PDGFD: variants seen among roughly 807,000 people sequenced by gnomAD.
The protein encoded by PDGFD is platelet-derived growth factor D.
In PDGFD, 30 loss-of-function variants were observed where a neutral mutation model predicts 44.7. That is an observed-to-expected ratio of 0.67 (90% confidence interval 0.50 to 0.91). The LOEUF is 0.91. PDGFD is among the 40% of genes least tolerant of loss of function. The pLI, the probability that PDGFD is intolerant of heterozygous loss-of-function variation, is 0.00. For synonymous variants in PDGFD, 173 were observed against 168.4 expected, an observed-to-expected ratio of 1.03 and a Z score of -0.21; for missense variants, 445 against 457.8, an observed-to-expected ratio of 0.97 and a Z score of 0.25.
chr11:104,082,685 G>A (rs1002705283), intron 1 of PDGFD, among the ~76,000 whole-genome samples: 1 of 152,022 alleles, frequency 6.6e-6, no homozygotes, highest in Middle Eastern at 3.2e-3. Context: ...AGGCTGGAGT[G>A]CAGTGGTGTG....
chr11:103,993,957 G>A (rs950876203), intron 3 of PDGFD, among the ~76,000 whole-genome samples: 1 of 152,076 alleles, frequency 6.6e-6, no homozygotes, highest in African/African-American at 2.4e-5. Context: ...GAATATACTG[G>A]TGGAGGTAAA....
chr11:103,954,912 C>T (rs1202125713), intron 3 of PDGFD, among the ~76,000 whole-genome samples: 1 of 151,968 alleles, frequency 6.6e-6, no homozygotes, highest in Non-Finnish European at 1.5e-5. Flanking sequence ...CGCCTGTAAT[C>T]CCAGCACTTT....
chr11:104,019,266 A>G (rs1229356804), intron 1 of PDGFD, among the ~76,000 whole-genome samples: 1 of 152,224 alleles, frequency 6.6e-6, no homozygotes, highest in Non-Finnish European at 1.5e-5. Context: ...TAAAGGCTCA[A>G]TAAATGTTCG....
chr11:104,107,833 C>A (rs1246775539), intron 1 of PDGFD, among the ~76,000 whole-genome samples: 1 of 152,084 alleles, frequency 6.6e-6, no homozygotes, highest in Non-Finnish European at 1.5e-5. Context: ...ATTTCTAATG[C>A]TCAGTTCAGT....
chr11:104,016,168 G>T (rs1859855827), intron 1 of PDGFD, among the ~76,000 whole-genome samples: 1 of 152,092 alleles, frequency 6.6e-6, no homozygotes, highest in South Asian at 2.1e-4. Flanking sequence ...TAAGGAAAAG[G>T]TGTCATCTCT....
intron 1 of PDGFD, among the ~76,000 whole-genome samples, chr11:104,100,015 G>T (rs1215979560): frequency 6.6e-6 from 1 of 152,050 alleles, no homozygotes; most frequent in South Asian, 2.1e-4. Context: ...GAAAATACAT[G>T]TTCACAACTA....
At chr11:104,094,231 C>A (rs1861251267) in intron 1 of PDGFD, among the ~76,000 whole-genome samples, 1 of 151,954 alleles carries the variant, frequency 6.6e-6, no homozygotes, top group Non-Finnish European at 1.5e-5. Context: ...TTCCTGAAGC[C>A]TTTCCTGGCC....
chr11:104,005,861 T>G (rs1399180955), intron 1 of PDGFD, among the ~76,000 whole-genome samples: 1 of 152,176 alleles, frequency 6.6e-6, no homozygotes, highest in Non-Finnish European at 1.5e-5. Flanking sequence ...AACAATCACT[T>G]TTCACAGAGA....
At chr11:104,094,298 C>T (rs1861252046) in intron 1 of PDGFD, among the ~76,000 whole-genome samples, 2 of 152,046 alleles carry the variant, frequency 1.3e-5, no homozygotes, top group South Asian at 2.1e-4. Context: ...ACTCGATCCT[C>T]AAAGTTGGAA....
intron 1 of PDGFD, among the ~76,000 whole-genome samples, chr11:104,145,680 C>T (rs989624654): frequency 6.6e-6 from 1 of 152,066 alleles, no homozygotes; most frequent in Non-Finnish European, 1.5e-5. Flanking sequence ...TGAAATAGTT[C>T]AGTTTTCTCA....
rs558219954 is a variant in PDGFD, at chr11:104,139,589, GTAACCCAGTGATTTTT to G, written c.124+24199_124+24214del. Among the ~76,000 whole-genome samples the G allele has an allele frequency of 9.9e-5, 15 of 152,220 alleles. No individual in the cohort carries two copies. The South Asian group carries it at 2.9e-3, about 29-fold the overall frequency. On this transcript the variant is annotated intron_variant, in intron 1 of 6. Coordinates refer to ENST00000393158, the MANE Select transcript of PDGFD (RefSeq NM_025208.5). ...GCTACTGCTTTCAAGTAGATGCAGG[GTAACCCAGTGATTTTT>G]TACTTTAAACAACAAAGACTTTACT...
At chr11:104,044,418 CAT>C (rs758990256) in intron 1 of PDGFD, among the ~76,000 whole-genome samples, 40 of 152,032 alleles carry the variant, frequency 2.6e-4, no homozygotes, top group East Asian at 1.2e-3. Context: ...CAAAGTATCA[CAT>C]GTTATTAATA....
At chr11:103,955,635 T>C (rs1176308634) in intron 3 of PDGFD, among the ~76,000 whole-genome samples, 2 of 152,198 alleles carry the variant, frequency 1.3e-5, no homozygotes, top group Admixed American at 1.3e-4. Flanking sequence ...GAATATTTAA[T>C]ACAAGGATAT....
chr11:104,101,104 C>A (rs1861370872), intron 1 of PDGFD, among the ~76,000 whole-genome samples: 1 of 152,048 alleles, frequency 6.6e-6, no homozygotes. Flanking sequence ...CTGGCCAGGG[C>A]AATCCGGCAG....
intron 1 of PDGFD, among the ~76,000 whole-genome samples, chr11:104,026,445 CAT>C (rs1860042983): frequency 6.6e-6 from 1 of 152,146 alleles, no homozygotes; most frequent in South Asian, 2.1e-4. Context: ...TACAATATGA[CAT>C]ATAGTTTATA....
intron 1 of PDGFD, among the ~76,000 whole-genome samples, chr11:104,127,741 T>C (rs530166997): frequency 6.6e-6 from 1 of 151,922 alleles, no homozygotes; most frequent in Admixed American, 6.6e-5. Context: ...GACACAAAGC[T>C]CAAAAAATAA....
intron 1 of PDGFD, among the ~76,000 whole-genome samples, chr11:104,071,630 G>A (rs1225861797): frequency 6.6e-6 from 1 of 151,488 alleles, no homozygotes; most frequent in Non-Finnish European, 1.5e-5. Flanking sequence ...TATTTAAATT[G>A]CTTTTTCACA....
Position 104,081,122 on chromosome 11 carries a change from G to GT in PDGFD, c.125-80868dup, listed in dbSNP as rs959160255. On this transcript the variant is annotated intron_variant, in intron 1 of 6. Coordinates refer to ENST00000393158, the MANE Select transcript of PDGFD (RefSeq NM_025208.5). ...TAAGAGATTATATATGTTTATTTTT[G>GT]TTTTTTTTTAACTTCTTTCAGTAAA... Among the ~76,000 whole-genome samples the GT allele has an allele frequency of 3.5e-4, 53 of 150,830 alleles. 1 individual carries two copies. The highest frequency in any genetic ancestry group is 4.4e-4 in the African/African-American group (18 of 41,048).
At chr11:104,077,987 C>T (rs151002370) in intron 1 of PDGFD, among the ~76,000 whole-genome samples, 42 of 152,156 alleles carry the variant, frequency 2.8e-4, no homozygotes, top group African/African-American at 8.9e-4. Context: ...GTCCCAAGTC[C>T]GCTCTTGTCT....
Sources: allele counts gnomAD v4.1 joint callset (sites outside exome capture counted in the v4.1 genomes callset), GRCh38; gene constraint gnomAD v4.1.1; transcripts MANE v1.5; gene names NCBI Gene and HGNC (gene_info 2026-07-23, HGNC 2026-07-21).